Variants in CCDC190 observed in about 807,000 individuals in gnomAD.
CCDC190 encodes coiled-coil domain containing 190.
In CCDC190, 10 loss-of-function variants were observed where a neutral mutation model predicts 13.1. The ratio of observed to expected loss-of-function variants is 0.77; its 90% CI spans 0.47 to 1.30. The LOEUF (loss-of-function observed/expected upper bound fraction) is 1.30, where lower values mean the gene tolerates loss of function less well. CCDC190 is among the 50% of genes most tolerant of loss of function. CCDC190 has a pLI of 0.00. For synonymous variants in CCDC190, 136 were observed against 127.2 expected (o/e 1.07, Z -0.47); for missense variants, 375 against 354.3 (o/e 1.06, Z -0.47).
Position 162,851,686 on chromosome 1 carries a change from T to C in CCDC190, c.*3079A>G, listed in dbSNP as rs1311276578. ...AAGGCAACAAGTCAAAAGCCCCTTCTTCCTCATGGGGGAGGAAATGGGGAA... is the reference window on the plus strand; with the variant it reads ...AAGGCAACAAGTCAAAAGCCCCTTCCTCCTCATGGGGGAGGAAATGGGGAA... On this transcript the variant is annotated 3_prime_UTR_variant, in exon 4 of 4. Transcript: ENST00000367912. The C allele has an allele frequency of 6.6e-6, 1 of 152,164 alleles. No individual in the cohort carries two copies. The highest frequency in any genetic ancestry group is 1.5e-5 in the Non-Finnish European group (1 of 68,036). The allele number at this position is 152,164 out of a possible 1,614,324, so 9.4% of individuals were successfully genotyped here. A position where few individuals can be genotyped will look rare whatever the true frequency, so the allele number is the denominator to read the frequency against.
In CCDC190 at chr1:162,854,262, A is replaced by T; in HGVS notation, c.*503T>A. ...AATGGAGCTATCTGTAAATAAAGGA[A>T]GGAAGGAAAGGGCTTCCAAAGAGAG... On this transcript the variant is annotated 3_prime_UTR_variant, in exon 4 of 4. Transcript: ENST00000367912. 1.0e-6 allele frequency: 1 copy of T among 985,652 alleles called. No homozygotes were observed. The highest frequency in any genetic ancestry group is 1.2e-6 in the Non-Finnish European group (1 of 830,076). The allele number at this position is 985,652 out of a possible 1,614,324, so 61.1% of individuals were successfully genotyped here.
chr1:162,855,840 G>A, intron 2 of CCDC190, 85 bp from the exon 3 acceptor site: 1 of 1,229,732 alleles, frequency 8.1e-7, no homozygotes, highest in Non-Finnish European at 1.1e-6. Flanking sequence ...CAGTACCTTA[G>A]GGTGGGACCT....
intron 3 of CCDC190, 104 bp from the exon 4 acceptor site, chr1:162,855,463 T>A: frequency 6.8e-7 from 1 of 1,466,916 alleles, no homozygotes; most frequent in Non-Finnish European, 9.1e-7. Flanking sequence ...TCGGCCAAGG[T>A]AATATAGGTG....
At position 162,852,493 on chromosome 1, in the gene CCDC190, T is replaced by C. The variant is rs1419620475; in HGVS notation, c.*2272A>G. The C allele has an allele frequency of 6.6e-6, 1 of 152,534 alleles. No individual in the cohort carries two copies. The highest frequency in any genetic ancestry group is 2.4e-5 in the African/African-American group (1 of 41,470). 9.4% of individuals were successfully genotyped at this position (152,534 alleles called of 1,614,324 possible). On this transcript the variant is annotated 3_prime_UTR_variant, in exon 4 of 4. Coordinates refer to ENST00000367912, the MANE Select transcript of CCDC190 (RefSeq NM_001394065.1). Reference sequence around the variant, plus strand: ...ACTAATCAGAGTATTACATCCATTGTATCGAAGAAGGCAAATGTATTAGAC... The same window carrying C: ...ACTAATCAGAGTATTACATCCATTGCATCGAAGAAGGCAAATGTATTAGAC...
Position 162,855,973 on chromosome 1 carries a change from G to A in CCDC190, c.188-218C>T, listed in dbSNP as rs73030415. 926 of 404,992 alleles carry A rather than the reference G, an allele frequency of 2.3e-3. 8 individuals are homozygous for A. Among genetic ancestry groups the A allele is most frequent in the African/African-American group, 0.017 (851 of 49,574 alleles). 25.1% of individuals were successfully genotyped at this position (404,992 alleles called of 1,614,324 possible). ...AACTTAGAACACACAGACACACACAGGGAGAGCACTAAGAGACACAGGGAG... is the reference window on the plus strand; with the variant it reads ...AACTTAGAACACACAGACACACACAAGGAGAGCACTAAGAGACACAGGGAG... On this transcript the variant is annotated intron_variant, in intron 2 of 3. Coordinates refer to ENST00000367912, the MANE Select transcript of CCDC190 (RefSeq NM_001394065.1).
rs1650207247 is a variant in CCDC190, at chr1:162,854,281, AAG to A, written c.*482_*483del. ...AAAGGAAGGAAGGAAAGGGCTTCCA[AAG>A]AGAGCACGTGGGTGTGGTTAAAGAG... On this transcript the variant is annotated 3_prime_UTR_variant, in exon 4 of 4. Transcript: ENST00000367912. 10 of 985,880 alleles carry A rather than the reference AAG, an allele frequency of 1.0e-5. No homozygotes were observed. In the South Asian group the frequency reaches 4.2e-4, roughly 42 times the overall value. The allele number at this position is 985,880 out of a possible 1,614,324, so 61.1% of individuals were successfully genotyped here.
chr1:162,855,849 C>T (rs757313941), intron 2 of CCDC190, 94 bp from the exon 3 acceptor site: 2 of 1,140,278 alleles, frequency 1.8e-6, no homozygotes, highest in South Asian at 1.6e-5. Context: ...AGGGTGGGAC[C>T]TTATTTGGAG....
rs1421269845 is a variant in CCDC190, at chr1:162,851,733, A to G, written c.*3032T>C. The G allele has an allele frequency of 6.8e-6, 1 of 146,888 alleles. No individual in the cohort carries two copies. Among genetic ancestry groups the G allele is most frequent in the Admixed American group, 6.8e-5 (1 of 14,658 alleles). 9.1% of individuals were successfully genotyped at this position (146,888 alleles called of 1,614,324 possible). A position where few individuals can be genotyped will look rare whatever the true frequency, so the allele number is the denominator to read the frequency against. On this transcript the variant is annotated 3_prime_UTR_variant, in exon 4 of 4. Coordinates refer to ENST00000367912, the MANE Select transcript of CCDC190 (RefSeq NM_001394065.1). ...GGAAGGGATCATCTGTCCCCAGTAC[A>G]TCTCTGAATGAATGAATGAATGAAT...
At chr1:162,855,478 TG>T in intron 3 of CCDC190, 119 bp from the exon 4 acceptor site, 1 of 1,455,348 alleles carries the variant, frequency 6.9e-7, no homozygotes, top group South Asian at 1.4e-5. Context: ...TAGGTGGGAA[TG>T]GGGTGGAGGG....
rs1305908727 is a variant in CCDC190, at chr1:162,853,001, G to A, written c.*1764C>T. On this transcript the variant is annotated 3_prime_UTR_variant, in exon 4 of 4. Coordinates refer to ENST00000367912, the MANE Select transcript of CCDC190 (RefSeq NM_001394065.1). ...TATTCATGTTGGCCCAGGCATGGCT[G>A]GTGCAAATAAATTAAGTTTTTGTGA... is the stretch of plus-strand genomic sequence containing the variant. The A allele has an allele frequency of 2.3e-5, 21 of 932,190 alleles. No homozygotes were observed. Among genetic ancestry groups the A allele is most frequent in the Non-Finnish European group, 3.4e-5 (20 of 589,924 alleles). The allele number at this position is 932,190 out of a possible 1,614,324, so 57.7% of individuals were successfully genotyped here.
At chr1:162,858,424 T>A (rs747672532) in intron 2 of CCDC190, among the ~76,000 whole-genome samples, 1 of 152,230 alleles carries the variant, frequency 6.6e-6, no homozygotes, top group Non-Finnish European at 1.5e-5. Context: ...TTTAACCATT[T>A]ATTGCAGACA....
In CCDC190 at chr1:162,851,290, A is replaced by ATTTTTTTTT. The variant is rs954335609; in HGVS notation, c.*3466_*3474dup. On this transcript the variant is annotated 3_prime_UTR_variant, in exon 4 of 4. Coordinates refer to ENST00000367912, the MANE Select transcript of CCDC190 (RefSeq NM_001394065.1). The stretch of plus-strand genomic sequence containing the variant: ...GTCCACACACCTCTGGTTCCTCTCC[A>ATTTTTTTTT]TTTTTTTTTTTTTTTTTTTTTTTTT... 3 of 84,008 alleles carry ATTTTTTTTT rather than the reference A, an allele frequency of 3.6e-5. No homozygotes were observed. The highest frequency in any genetic ancestry group is 1.4e-4 in the Admixed American group (1 of 7,154). The allele number at this position is 84,008 out of a possible 1,614,324, so 5.2% of individuals were successfully genotyped here. A position where few individuals can be genotyped will look rare whatever the true frequency, so the allele number is the denominator to read the frequency against.
chr1:162,853,192 T>A lies in CCDC190; in HGVS notation c.*1573A>T. 1 of 1,524,572 alleles carries A rather than the reference T, an allele frequency of 6.6e-7. No homozygotes were observed. 94.4% of individuals were successfully genotyped at this position (1,524,572 alleles called of 1,614,324 possible). A position where few individuals can be genotyped will look rare whatever the true frequency, so the allele number is the denominator to read the frequency against. On this transcript the variant is annotated 3_prime_UTR_variant, in exon 4 of 4. Coordinates refer to ENST00000367912, the MANE Select transcript of CCDC190 (RefSeq NM_001394065.1). ...GAAACTGACTCTCAAATGTTTGATC[T>A]AAGTTTTTGTCTTCAGATAGGTGGT...
At chr1:162,868,396 C>G (rs1367494747) in intron 1 of CCDC190, among the ~76,000 whole-genome samples, 1 of 136,170 alleles carries the variant, frequency 7.3e-6, no homozygotes, top group Non-Finnish European at 1.6e-5. Flanking sequence ...AAGGTAAAGA[C>G]ATTAACATTA....
intron 2 of CCDC190, among the ~76,000 whole-genome samples, chr1:162,857,878 A>G (rs574144714): frequency 1.8e-4 from 27 of 152,274 alleles, no homozygotes; most frequent in Non-Finnish European, 3.1e-4. Flanking sequence ...GCTGTTTTGC[A>G]AAGTCTGGTC....
Position 162,853,168 on chromosome 1 carries a change from A to C in CCDC190, c.*1597T>G. The C allele has an allele frequency of 6.5e-7, 1 of 1,540,900 alleles. No homozygotes were observed. The highest frequency in any genetic ancestry group is 8.8e-7 in the Non-Finnish European group (1 of 1,142,162). On this transcript the variant is annotated 3_prime_UTR_variant, in exon 4 of 4. Coordinates refer to ENST00000367912, the MANE Select transcript of CCDC190 (RefSeq NM_001394065.1). Reference sequence around the variant, plus strand: ...TTGAAGGCCAGAGGCTGGGCTGATGAAACTGACTCTCAAATGTTTGATCTA... The same window carrying C: ...TTGAAGGCCAGAGGCTGGGCTGATGCAACTGACTCTCAAATGTTTGATCTA...
upstream of CCDC190, among the ~76,000 whole-genome samples, chr1:162,861,241 G>C (rs960546327): frequency 1.3e-5 from 2 of 152,128 alleles, no homozygotes; most frequent in African/African-American, 2.4e-5. Context: ...TTGGGCCATG[G>C]CACCAATCCC....
In CCDC190 at chr1:162,852,029, A is replaced by G. The variant is rs1650127201; in HGVS notation, c.*2736T>C. On this transcript the variant is annotated 3_prime_UTR_variant, in exon 4 of 4. Coordinates refer to ENST00000367912, the MANE Select transcript of CCDC190 (RefSeq NM_001394065.1). Reference sequence around the variant, plus strand: ...CATGAGCCTCAATTTCTTTATCTGTAAAATGGCAGCAAGTATCTCCCTGAT... The same window carrying G: ...CATGAGCCTCAATTTCTTTATCTGTGAAATGGCAGCAAGTATCTCCCTGAT... 6.6e-6 allele frequency: 1 copy of G among 152,014 alleles called. No individual in the cohort carries two copies. The highest frequency in any genetic ancestry group is 2.1e-4 in the South Asian group (1 of 4,782). The allele number at this position is 152,014 out of a possible 1,614,324, so 9.4% of individuals were successfully genotyped here.
chr1:162,865,406 T>C (rs1447905053), upstream of CCDC190, among the ~76,000 whole-genome samples: 2 of 152,154 alleles, frequency 1.3e-5, no homozygotes, highest in African/African-American at 2.4e-5. Context: ...TTAACATTTA[T>C]AGAATGTTAA....
Sources: allele counts gnomAD v4.1 joint callset (sites outside exome capture counted in the v4.1 genomes callset), GRCh38; gene constraint gnomAD v4.1.1; transcripts MANE v1.5; gene names NCBI Gene and HGNC (gene_info 2026-07-23, HGNC 2026-07-21).